The following KIAA1671 variants were observed in gnomAD, a reference collection of about 807,000 sequenced individuals.
KIAA1671 encodes the protein uncharacterized protein KIAA1671.
KIAA1671 carries 52 observed loss-of-function variants against 131.2 expected under a neutral mutation model. That is an observed-to-expected ratio of 0.40 (90% CI 0.32 to 0.50). The LOEUF is 0.50. Ranked by LOEUF, KIAA1671 falls within the 20% of genes least tolerant of loss-of-function variation. KIAA1671 has a pLI of 0.73. For synonymous variants in KIAA1671, 1,003 were observed against 961.6 expected (o/e 1.04, Z -0.80); for missense variants, 2,360 against 2,364.2 (o/e 1.00, Z 0.04).
At chr22:24,969,645 CT>C (rs1164295055) in intron 1 of KIAA1671, among the ~76,000 whole-genome samples, 2 of 152,182 alleles carry the variant, frequency 1.3e-5, no homozygotes, top group Admixed American at 6.5e-5. Flanking sequence ...ATATTCTGGG[CT>C]GTGATTTAGA....
At chr22:25,017,018 AG>A (rs878974413) in intron 1 of KIAA1671, among the ~76,000 whole-genome samples, 1 of 152,184 alleles carries the variant, frequency 6.6e-6, no homozygotes, top group East Asian at 1.9e-4. Context: ...ATGCAAATTA[AG>A]GGGGTGGTTT....
chr22:25,119,065 G>A (rs1423804279), intron 6 of KIAA1671, among the ~76,000 whole-genome samples: 3 of 152,132 alleles, frequency 2.0e-5, no homozygotes, highest in Non-Finnish European at 4.4e-5. Context: ...TCCTCTACTA[G>A]GATGTAAGGT....
At chr22:25,128,515 G>A (rs1246543172) in intron 6 of KIAA1671, among the ~76,000 whole-genome samples, 1 of 152,144 alleles carries the variant, frequency 6.6e-6, no homozygotes, top group Non-Finnish European at 1.5e-5. Context: ...ATGAGGGCAA[G>A]TCTCCCTTCT....
intron 1 of KIAA1671, among the ~76,000 whole-genome samples, chr22:24,988,043 A>T (rs1043000516): frequency 9.9e-5 from 15 of 152,158 alleles, no homozygotes; most frequent in Admixed American, 9.2e-4. Context: ...TGGGAGGCCG[A>T]GGCGGGTGGA....
At chr22:25,180,991 G>C (rs1482218079) in intron 9 of KIAA1671, among the ~76,000 whole-genome samples, 1 of 152,190 alleles carries the variant, frequency 6.6e-6, no homozygotes, top group Admixed American at 6.5e-5. Context: ...GATGGGGAAG[G>C]CTGGGTCTGT....
chr22:25,031,005 G>T (rs946611457), intron 3 of KIAA1671, among the ~76,000 whole-genome samples: 1 of 152,110 alleles, frequency 6.6e-6, no homozygotes, highest in Non-Finnish European at 1.5e-5. Context: ...TCTGGGGAGG[G>T]TGTTCTATTT....
rs1181462530 is a variant in KIAA1671 at position 25,049,321 on chromosome 22, G to A, written c.4487G>A (p.Arg1496Lys). ...TCCCCTGTGGCCTCGGTTCCCTGGAGAAGCCACAGCTTCTGCAAAGACAGG... is the reference window on the plus strand; with the variant it reads ...TCCCCTGTGGCCTCGGTTCCCTGGAAAAGCCACAGCTTCTGCAAAGACAGG... ...QVSPVASVPW[R>K]SHSFCKDRRS... Residue 1496 changes from arginine to lysine, a missense_variant, in exon 6 of 13, where the codon AGA becomes AAA. Around this residue, in one of 3 missense-constraint regions of KIAA1671, gnomAD observed 1,161 missense variants for 1,204.7 expected, o/e 0.96. Transcript: ENST00000358431. The A allele has an allele frequency of 3.2e-6, 5 of 1,551,520 alleles. No individual in the cohort carries two copies. Among genetic ancestry groups the A allele is most frequent in the Non-Finnish European group, 4.4e-6 (5 of 1,146,894 alleles).
At chr22:24,994,025 G>T (rs1211116076) in intron 1 of KIAA1671, among the ~76,000 whole-genome samples, 1 of 151,786 alleles carries the variant, frequency 6.6e-6, no homozygotes, top group Non-Finnish European at 1.5e-5. Flanking sequence ...AGGTTGCAGT[G>T]AGCCAAGATC....
At chr22:25,156,557 CTT>C (rs138307765) in intron 6 of KIAA1671, among the ~76,000 whole-genome samples, 11,180 of 151,410 alleles carry the variant, frequency 0.074, 1,308 homozygotes, top group African/African-American at 0.25. Flanking sequence ...GTTTTTGTGT[CTT>C]TGCATGTGTG....
At chr22:25,165,627 A>G (rs983390700) in intron 6 of KIAA1671, among the ~76,000 whole-genome samples, 3 of 152,224 alleles carry the variant, frequency 2.0e-5, no homozygotes, top group Non-Finnish European at 2.9e-5. Context: ...TCAAATAGTC[A>G]TAAGTGGCTA....
At chr22:25,117,512 T>G (rs996220571) in intron 6 of KIAA1671, among the ~76,000 whole-genome samples, 2 of 150,630 alleles carry the variant, frequency 1.3e-5, no homozygotes. Flanking sequence ...CGAGTGGGAG[T>G]ATTTGCTTCT....
intron 3 of KIAA1671, among the ~76,000 whole-genome samples, chr22:25,031,341 C>G (rs1354096337): frequency 1.3e-5 from 2 of 152,122 alleles, no homozygotes; most frequent in African/African-American, 4.8e-5. Flanking sequence ...GGACTACAGG[C>G]GTCAGCCACC....
intron 6 of KIAA1671, chr22:25,052,735 G>C (rs973508708): frequency 1.3e-5 from 2 of 151,598 alleles, no homozygotes; most frequent in Admixed American, 6.6e-5. Context: ...ATTATTATTT[G>C]AGATGGAGTC....
intron 1 of KIAA1671, among the ~76,000 whole-genome samples, chr22:25,015,397 GA>G (rs1422881995): frequency 6.6e-6 from 1 of 152,106 alleles, no homozygotes; most frequent in Non-Finnish European, 1.5e-5. Context: ...AACACGGGGG[GA>G]AACAGCAGCT....
chr22:25,112,740 A>G (rs1272128534), intron 6 of KIAA1671: 1 of 216,462 alleles, frequency 4.6e-6, no homozygotes, highest in African/African-American at 2.3e-5. Flanking sequence ...CAGTTGATTT[A>G]TGTTTAAGTG....
intron 1 of KIAA1671, among the ~76,000 whole-genome samples, chr22:24,983,221 G>A (rs1923324645): frequency 6.6e-6 from 1 of 152,152 alleles, no homozygotes; most frequent in African/African-American, 2.4e-5. Context: ...CACAATCTGG[G>A]TGGTTTCAAA....
Position 25,037,356 on chromosome 22 carries a change from A to ATATATATGTGTATATATG in KIAA1671, c.1630-1376_1630-1359dup, listed in dbSNP as rs1292525707. Among the ~76,000 whole-genome samples, 28 of 152,028 alleles carry ATATATATGTGTATATATG rather than the reference A, an allele frequency of 1.8e-4. No individual in the cohort carries two copies. In the East Asian group the frequency reaches 3.1e-3, roughly 17 times the overall value. On this transcript the variant is annotated intron_variant, in intron 4 of 12. Coordinates refer to ENST00000358431, the MANE Select transcript of KIAA1671 (RefSeq NM_001145206.2). The stretch of plus-strand genomic sequence containing the variant: ...GTATATATGTGTATATTGCAAAAAA[A>ATATATATGTGTATATATG]TATATATGTGTATATATGTATATAT...
At chr22:25,001,789 A>T (rs891064513) in intron 1 of KIAA1671, among the ~76,000 whole-genome samples, 2 of 152,142 alleles carry the variant, frequency 1.3e-5, no homozygotes, top group Non-Finnish European at 2.9e-5. Context: ...TGGTTTTCAG[A>T]TGATACCTGC....
intron 6 of KIAA1671, among the ~76,000 whole-genome samples, chr22:25,081,087 C>T (rs1929380131): frequency 1.3e-5 from 2 of 152,150 alleles, no homozygotes; most frequent in South Asian, 2.1e-4. Context: ...ACCGTAAATG[C>T]AAGGCAGAAG....
Sources: gnomAD v4.1 joint callset for allele counts (sites outside exome capture counted in the v4.1 genomes callset) on GRCh38, gnomAD v4.1.1 for gene constraint, gnomAD v4.1.1 regional missense constraint, MANE v1.5 for transcripts, NCBI Gene and HGNC (gene_info 2026-07-23, HGNC 2026-07-21) for gene names.